The following PNN variants were observed in gnomAD, a reference collection of about 807,000 sequenced individuals.
PNN encodes the protein pinin.
A neutral mutation model predicts 76.6 loss-of-function variants in PNN; 38 were observed. The ratio of observed to expected loss-of-function variants is 0.50; its 90% CI spans 0.38 to 0.65. The LOEUF (loss-of-function observed/expected upper bound fraction) is 0.65, where lower values mean the gene tolerates loss of function less well. PNN is among the 30% of genes least tolerant of loss of function. PNN has a pLI of 0.00. For missense variants in PNN, 873 were observed against 874.1 expected, an observed-to-expected ratio of 1.00 and a Z score of 0.02; for synonymous variants, 366 against 283.7, an observed-to-expected ratio of 1.29 and a Z score of -2.91.
chr14:39,179,288 G>A, intron 7 of PNN, 36 bp from the exon 8 acceptor site: 1 of 1,609,038 alleles, frequency 6.2e-7, no homozygotes, highest in Non-Finnish European at 8.5e-7. Context: ...AATCCTTTGT[G>A]TTTACAAAAG....
rs761425223 is a variant in PNN, at chr14:39,179,130, C to G, written c.538C>G (p.Gln180Glu). The change falls in exon 7 of 9, where the codon CAG (glutamine) becomes GAG (glutamate). Residue 180 changes from glutamine to glutamate, a missense_variant. Physicochemically the swap from Gln to Glu is conservative, Grantham distance 29. Transcript: ENST00000216832. ...RQEIEQKLEV[Q>E]AEEERKQVEN... The stretch of plus-strand genomic sequence containing the variant: ...GGAAATTGAACAAAAACTTGAAGTT[C>G]AGGCAGAAGAAGAGAGAAAGCAGGT... 2.5e-6 allele frequency: 4 copies of G among 1,613,178 alleles called. No individual in the cohort carries two copies. In the African/African-American group the frequency reaches 5.3e-5, roughly 22 times the overall value.
At position 39,181,509 on chromosome 14, in the gene PNN, TAGTAGCAGTCGCAGTAGTTCC is replaced by T; in HGVS notation, c.1809_1829del (p.Arg604_Ser610del). ...GTGGAAGTAGTTCCAGCAGTGGAAGTAGTAGCAGTCGCAGTAGTTCCAGTAGCAGCTCCAGTACAAGTGGCA... is the reference window on the plus strand; with the variant it reads ...GTGGAAGTAGTTCCAGCAGTGGAAGTAGTAGCAGCTCCAGTACAAGTGGCA... On this transcript the variant is annotated inframe_deletion, in exon 9 of 9. Coordinates refer to ENST00000216832, the MANE Select transcript of PNN (RefSeq NM_002687.4). 1 of 1,600,554 alleles carries T rather than the reference TAGTAGCAGTCGCAGTAGTTCC, an allele frequency of 6.2e-7. No individual in the cohort carries two copies.
At chr14:39,179,052 T>G (rs1261472128) in intron 6 of PNN, 39 bp from the exon 7 acceptor site, 1 of 1,573,708 alleles carries the variant, frequency 6.4e-7, no homozygotes, top group South Asian at 1.2e-5. Context: ...TGTAACTATT[T>G]CAACACGTAA....
chr14:39,179,532 G>T, intron 8 of PNN, 70 bp downstream of exon 8: 2 of 1,236,146 alleles, frequency 1.6e-6, no homozygotes, highest in Non-Finnish European at 1.1e-6. Flanking sequence ...GCACACGTTT[G>T]TTTTCTAAAA....
chr14:39,181,368 G>A lies in PNN; in HGVS notation c.1659G>A (p.Lys553=), dbSNP rs1391143154. The change falls in exon 9 of 9, where the codon AAG becomes AAA. Residue 553 remains lysine, a synonymous_variant. Transcript: ENST00000216832. The stretch of plus-strand genomic sequence containing the variant: ...TCTTGACAGTACATCCAGAGAGCAA[G>A]AGCAAAACCAAAACTAGGAGCAGAA... ...EPVLTVHPES[K]SKTKTRSRSR... 1.2e-6 allele frequency: 2 copies of A among 1,614,222 alleles called. No homozygotes were observed. The highest frequency in any genetic ancestry group is 1.7e-6 in the Non-Finnish European group (2 of 1,180,046).
chr14:39,179,467 G>A lies in PNN; in HGVS notation c.793+5G>A. 6.2e-7 allele frequency: 1 copy of A among 1,609,800 alleles called. No homozygotes were observed. Among genetic ancestry groups the A allele is most frequent in the South Asian group, 1.1e-5 (1 of 90,668 alleles). On this transcript the variant is annotated splice_donor_5th_base_variant and intron_variant, in intron 8 of 8. Coordinates refer to ENST00000216832, the MANE Select transcript of PNN (RefSeq NM_002687.4). ...AGTCACAGAGAAAAATGAACGGTAA[G>A]TATGCGAAGAGGTCCATTGAATTGT...
chr14:39,175,428 G>T (rs772725229), intron 1 of PNN, 36 bp downstream of exon 1: 1 of 1,316,156 alleles, frequency 7.6e-7, no homozygotes, highest in South Asian at 1.2e-5. Flanking sequence ...CTCGGAGCTC[G>T]GAGAGGCAGC....
In PNN at chr14:39,181,114, C is replaced by G. The variant is rs531190048; in HGVS notation, c.1405C>G (p.Gln469Glu). Residue 469 changes from glutamine (Q) to glutamate (E), a missense_variant, in exon 9 of 9, where the codon CAA (glutamine) becomes GAA (glutamate). This residue lies in a region of PNN where 712 missense variants were observed against 693.1 expected (regional missense o/e 1.03). Coordinates refer to ENST00000216832, the MANE Select transcript of PNN (RefSeq NM_002687.4). ...AAAAGAAGAAAAAGAATCTGAGCCC[C>G]AACCTGAGCCTGTGGCTCAACCTCA... is the stretch of plus-strand genomic sequence containing the variant. ...EEKEEKESEPQPEPVAQPQPQ... is the reference protein window; with the variant it reads ...EEKEEKESEPEPEPVAQPQPQ... 3.1e-6 allele frequency: 5 copies of G among 1,613,102 alleles called. No homozygotes were observed. Among genetic ancestry groups the G allele is most frequent in the African/African-American group, 2.7e-5 (2 of 74,880 alleles).
rs1349970581 is a variant in PNN, at chr14:39,183,166, G to T, written c.*1303G>T. The T allele has an allele frequency of 1.3e-5, 2 of 152,262 alleles. No homozygotes were observed. Among genetic ancestry groups the T allele is most frequent in the Non-Finnish European group, 2.9e-5 (2 of 68,018 alleles). The allele number at this position is 152,262 out of a possible 1,614,324, so 9.4% of individuals were successfully genotyped here. A position where few individuals can be genotyped will look rare whatever the true frequency, so the allele number is the denominator to read the frequency against. On this transcript the variant is annotated 3_prime_UTR_variant, in exon 9 of 9. Coordinates refer to ENST00000216832, the MANE Select transcript of PNN (RefSeq NM_002687.4). ...ACTTGTGTAAGTGGATGTGTTAAAA[G>T]ATCTCTTTTTAAAAATCCTTTTATT...
At position 39,181,217 on chromosome 14, in the gene PNN, A is replaced by G; in HGVS notation, c.1508A>G (p.Glu503Gly). 6.8e-6 allele frequency: 11 copies of G among 1,613,902 alleles called. No homozygotes were observed. The highest frequency in any genetic ancestry group is 1.7e-5 in the Admixed American group (1 of 60,012). The part of the protein sequence containing the change: ...VLQSQPPSQP[E>G]DLSLAVLQPT... Reference sequence around the variant, plus strand: ...CAGTCCCAGCCTCCCTCTCAGCCTGAGGATTTGTCATTAGCTGTTTTACAG... The same window carrying G: ...CAGTCCCAGCCTCCCTCTCAGCCTGGGGATTTGTCATTAGCTGTTTTACAG... The change falls in exon 9 of 9, where the codon GAG becomes GGG. Residue 503 changes from glutamate to glycine, a missense_variant. Coordinates refer to ENST00000216832, the MANE Select transcript of PNN (RefSeq NM_002687.4).
chr14:39,177,607 T>C lies in PNN; in HGVS notation c.342T>C (p.Ser114=), dbSNP rs1242706837. Residue 114 remains serine, a synonymous_variant, in exon 5 of 9, where the codon TCT becomes TCC. Transcript: ENST00000216832. ...DDDVKKPALQ[S]SVVATSKERT... is the part of the protein sequence containing the mutation. Reference sequence around the variant, plus strand: ...TTTTTCTGCAGCCAGCATTGCAGTCTTCAGTTGTAGCTACCTCCAAAGAGC... The same window carrying C: ...TTTTTCTGCAGCCAGCATTGCAGTCCTCAGTTGTAGCTACCTCCAAAGAGC... 14 of 1,613,678 alleles carry C rather than the reference T, an allele frequency of 8.7e-6. No individual in the cohort carries two copies. The highest frequency in any genetic ancestry group is 1.0e-5 in the Non-Finnish European group (12 of 1,179,664).
Position 39,180,638 on chromosome 14 carries a change from G to A in PNN, c.929G>A (p.Gly310Asp), listed in dbSNP as rs1429102489. 5 of 1,613,696 alleles carry A rather than the reference G, an allele frequency of 3.1e-6. No individual in the cohort carries two copies. Among genetic ancestry groups the A allele is most frequent in the South Asian group, 2.2e-5 (2 of 91,000 alleles). Residue 310 changes from glycine (G) to aspartate (D), a missense_variant, in exon 9 of 9, where the codon GGT becomes GAT. By Grantham distance (94) the Gly-to-Asp change is moderately conservative. Coordinates refer to ENST00000216832, the MANE Select transcript of PNN (RefSeq NM_002687.4). The stretch of plus-strand genomic sequence containing the variant: ...GAACAGAAGGCGGAACAAGAAGAGG[G>A]TAAGGTGGCTCAGCGAGAGGAAGAG... The part of the protein sequence containing the change: ...NEEQKAEQEE[G>D]KVAQREEELE...
intron 1 of PNN, 80 bp from the exon 2 acceptor site, chr14:39,175,998 G>C (rs2053220152): frequency 1.3e-6 from 1 of 751,798 alleles, no homozygotes; most frequent in Admixed American, 2.3e-5. Flanking sequence ...TTCTCCTTAT[G>C]ATCCACATCT....
intron 3 of PNN, 129 bp downstream of exon 3, chr14:39,176,724 C>A (rs569506657): frequency 3.0e-6 from 2 of 658,090 alleles, no homozygotes; most frequent in East Asian, 2.8e-5. Flanking sequence ...CCTGCCCCCC[C>A]CAAGTTCTGT....
intron 6 of PNN, 44 bp downstream of exon 6, chr14:39,177,960 A>G: frequency 1.7e-6 from 2 of 1,161,156 alleles, no homozygotes; most frequent in South Asian, 1.3e-5. Flanking sequence ...TTAAGTTATC[A>G]AAGTAGTAGA....
intron 3 of PNN, among the ~76,000 whole-genome samples, chr14:39,176,950 A>G (rs182911816): frequency 1.3e-5 from 2 of 152,372 alleles, no homozygotes; most frequent in Non-Finnish European, 1.5e-5. Context: ...GTTAGTTCAC[A>G]CATTGTAGTA....
chr14:39,181,732 A>G lies in PNN; in HGVS notation c.2023A>G (p.Thr675Ala). 3 of 1,614,222 alleles carry G rather than the reference A, an allele frequency of 1.9e-6. No individual in the cohort carries two copies. Among genetic ancestry groups the G allele is most frequent in the Non-Finnish European group, 2.5e-6 (3 of 1,180,032 alleles). Residue 675 changes from threonine (T) to alanine (A), a missense_variant, in exon 9 of 9, where the codon ACA becomes GCA. Physicochemically the swap from Thr to Ala is moderately conservative, Grantham distance 58 (BLOSUM62 0). Transcript: ENST00000216832. ...TTCAAAAGGTGGTAGTAGTAGAGAT[A>G]CAAAAGGATCAAAGGATAAGAATTC... ...KSSKGGSSRD[T>A]KGSKDKNSRS...
In PNN at chr14:39,179,213, G is replaced by C; in HGVS notation, c.621G>C (p.Arg207=). ...GGCGTGCTAAACAGACAGAACTGCGGCTTTTGGAACAGAAAGTTGAGCTTG... is the reference window on the plus strand; with the variant it reads ...GGCGTGCTAAACAGACAGAACTGCGCCTTTTGGAACAGAAAGTTGAGCTTG... ...EERRAKQTEL[R]LLEQKVELAQ... is the part of the protein sequence containing the mutation. The change falls in exon 7 of 9, where the codon CGG becomes CGC. Residue 207 remains arginine, a synonymous_variant. Transcript: ENST00000216832. 6.2e-7 allele frequency: 1 copy of C among 1,612,816 alleles called. No individual in the cohort carries two copies. Among genetic ancestry groups the C allele is most frequent in the Non-Finnish European group, 8.5e-7 (1 of 1,179,764 alleles).
intron 6 of PNN, 110 bp downstream of exon 6, chr14:39,178,026 G>C: frequency 1.3e-6 from 1 of 743,094 alleles, no homozygotes; most frequent in Non-Finnish European, 2.3e-6. Flanking sequence ...CTGTAAACCT[G>C]AAACAAAGCC....
Sources: gnomAD v4.1 joint callset for allele counts (sites outside exome capture counted in the v4.1 genomes callset) on GRCh38, gnomAD v4.1.1 for gene constraint, gnomAD v4.1.1 regional missense constraint, MANE v1.5 for transcripts, NCBI Gene and HGNC (gene_info 2026-07-23, HGNC 2026-07-21) for gene names.